PKIB: variants seen among roughly 807,000 people sequenced by gnomAD.
The protein encoded by PKIB is PKI-beta.
A neutral mutation model predicts 4.5 loss-of-function variants in PKIB; 2 were observed. The observed-to-expected ratio is 0.44, with a 90% confidence interval of 0.18 to 1.39. The LOEUF is 1.39. Among genes scored for constraint, PKIB ranks in the 40% most tolerant of loss-of-function variants. The pLI, the probability that PKIB is intolerant of heterozygous loss-of-function variation, is 0.27. For synonymous variants in PKIB, 38 were observed against 36.0 expected, an observed-to-expected ratio of 1.06 and a Z score of -0.20; for missense variants, 94 against 92.6, an observed-to-expected ratio of 1.02 and a Z score of -0.06.
intron 2 of PKIB, among the ~76,000 whole-genome samples, chr6:122,542,249 G>A (rs1452054113): frequency 2.6e-5 from 4 of 152,068 alleles, no homozygotes; most frequent in Non-Finnish European, 5.9e-5. Flanking sequence ...TTTGGAGGAG[G>A]AGAGGCACTC....
chr6:122,723,708 A>T (rs7451353), intron 4 of PKIB, among the ~76,000 whole-genome samples: 63,806 of 151,820 alleles, frequency 0.42, 14,899 homozygotes, highest in South Asian at 0.64. Flanking sequence ...CACTATCTAT[A>T]TAGAATTCTT....
intron 2 of PKIB, among the ~76,000 whole-genome samples, chr6:122,547,848 C>T (rs1181181931): frequency 6.6e-6 from 1 of 152,290 alleles, no homozygotes; most frequent in East Asian, 1.9e-4. Context: ...GGCTACACAG[C>T]TGTGATTATA....
chr6:122,541,564 A>G (rs1582686849), intron 2 of PKIB, among the ~76,000 whole-genome samples: 1 of 151,932 alleles, frequency 6.6e-6, no homozygotes, highest in Non-Finnish European at 1.5e-5. Context: ...TGTTAATCTG[A>G]TGGGCTTCCC....
chr6:122,530,997 T>A (rs1256079471), intron 2 of PKIB: 2 of 152,214 alleles, frequency 1.3e-5, no homozygotes, highest in African/African-American at 4.8e-5. Context: ...TCACAGGATA[T>A]TCTGTTATTG....
chr6:122,562,278 T>G (rs991214843), intron 2 of PKIB, among the ~76,000 whole-genome samples: 6 of 152,136 alleles, frequency 3.9e-5, no homozygotes, highest in Admixed American at 2.0e-4. Flanking sequence ...AGGCTGAAGA[T>G]AGGGCCCCAA....
chr6:122,607,338 C>CA (rs1033407760), upstream of PKIB, among the ~76,000 whole-genome samples: 10 of 151,370 alleles, frequency 6.6e-5, no homozygotes, highest in South Asian at 6.3e-4. Context: ...CAAAACAAAA[C>CA]AAAAAAACAA....
At chr6:122,657,428 G>A (rs930912243) in intron 2 of PKIB, among the ~76,000 whole-genome samples, 3 of 152,106 alleles carry the variant, frequency 2.0e-5, no homozygotes, top group Non-Finnish European at 4.4e-5. Context: ...CTATTTATCC[G>A]AACATAATAT....
At chr6:122,475,335 C>A (rs989609265) in intron 1 of PKIB, among the ~76,000 whole-genome samples, 1 of 152,218 alleles carries the variant, frequency 6.6e-6, no homozygotes, top group Admixed American at 6.5e-5. Context: ...AATAACCCTT[C>A]GCCACCTCTT....
At chr6:122,531,397 C>T (rs1777256285) in intron 2 of PKIB, 2 of 152,124 alleles carry the variant, frequency 1.3e-5, no homozygotes, top group Non-Finnish European at 2.9e-5. Flanking sequence ...ATGATTTCAT[C>T]ATTGTAGTTA....
chr6:122,720,327 A>G (rs1223818138), intron 4 of PKIB, among the ~76,000 whole-genome samples: 2 of 152,182 alleles, frequency 1.3e-5, no homozygotes, highest in African/African-American at 4.8e-5. Flanking sequence ...TAACCATGAT[A>G]AAAAGGTCAA....
chr6:122,610,017 A>G (rs1320450494), upstream of PKIB, among the ~76,000 whole-genome samples: 1 of 152,156 alleles, frequency 6.6e-6, no homozygotes, highest in Non-Finnish European at 1.5e-5. Context: ...GGCGCGTACA[A>G]CCGGAGGGAC....
chr6:122,695,613 T>C (rs1399030263), intron 3 of PKIB, among the ~76,000 whole-genome samples: 1 of 152,146 alleles, frequency 6.6e-6, no homozygotes, highest in African/African-American at 2.4e-5. Context: ...ATATTGTAGA[T>C]GGCTGTACTA....
At chr6:122,703,019 T>C (rs1303543289) in intron 3 of PKIB, among the ~76,000 whole-genome samples, 2 of 152,202 alleles carry the variant, frequency 1.3e-5, no homozygotes, top group African/African-American at 2.4e-5. Flanking sequence ...TTGTAACTTT[T>C]GTTTAAAGCC....
chr6:122,601,008 C>A (rs1774346891), intron 3 of PKIB, among the ~76,000 whole-genome samples: 1 of 151,240 alleles, frequency 6.6e-6, no homozygotes, highest in Non-Finnish European at 1.5e-5. Context: ...CATCAAATTT[C>A]TTTAGATAAT....
At chr6:122,691,655 A>T (rs1009535395) in intron 3 of PKIB, among the ~76,000 whole-genome samples, 1 of 152,060 alleles carries the variant, frequency 6.6e-6, no homozygotes, top group Admixed American at 6.5e-5. Flanking sequence ...TCTCTGTCTG[A>T]AAGGTCACAT....
intron 2 of PKIB, among the ~76,000 whole-genome samples, chr6:122,658,022 A>C (rs1379362936): frequency 3.3e-5 from 5 of 152,238 alleles, no homozygotes; most frequent in Non-Finnish European, 7.3e-5. Flanking sequence ...ATTAAGATAT[A>C]CACTAAAATT....
chr6:122,715,651 A>ATG (rs2115066574), intron 3 of PKIB, among the ~76,000 whole-genome samples: 1 of 149,462 alleles, frequency 6.7e-6, no homozygotes, highest in East Asian at 1.9e-4. Context: ...TATTTTATGT[A>ATG]TATATATATA....
chr6:122,608,968 T>C (rs577333873), upstream of PKIB, among the ~76,000 whole-genome samples: 14 of 152,058 alleles, frequency 9.2e-5, 1 homozygote, highest in South Asian at 2.9e-3. Context: ...TAAAAATATA[T>C]GTTATTATAT....
intron 2 of PKIB, among the ~76,000 whole-genome samples, chr6:122,508,648 T>G (rs1199047224): frequency 6.6e-6 from 1 of 152,202 alleles, no homozygotes; most frequent in Non-Finnish European, 1.5e-5. Flanking sequence ...GTTGAACAAT[T>G]GATAAAGCTG....
Sources: gnomAD v4.1 joint callset for allele counts (sites outside exome capture counted in the v4.1 genomes callset) on GRCh38, gnomAD v4.1.1 for gene constraint, MANE v1.5 for transcripts, NCBI Gene and HGNC (gene_info 2026-07-23, HGNC 2026-07-21) for gene names.